The following HMCN1 variants were observed in gnomAD, a reference collection of about 807,000 sequenced individuals.
HMCN1 encodes the protein hemicentin 1.
Under a neutral mutation model 625.9 loss-of-function variants are expected in HMCN1, and 321 were observed. The ratio of observed to expected loss-of-function variants is 0.51; its 90% CI spans 0.47 to 0.56. HMCN1 has a LOEUF of 0.56. Ranked by LOEUF, HMCN1 falls within the 20% of genes least tolerant of loss-of-function variation. The probability of loss-of-function intolerance (pLI) is 0.00; values close to 1 mark genes in which losing one functional copy is unlikely to be tolerated. For missense variants in HMCN1, 6,588 were observed against 6,887.3 expected (o/e 0.96, Z 1.54); for synonymous variants, 2,425 against 2,417.6 (o/e 1.00, Z -0.09).
At chr1:185,908,191 A>G (rs1376539307) in intron 4 of HMCN1, among the ~76,000 whole-genome samples, 1 of 151,924 alleles carries the variant, frequency 6.6e-6, no homozygotes, top group East Asian at 1.9e-4. Flanking sequence ...TGTGATAATA[A>G]GTCTTAGATG....
At chr1:185,753,063 A>G (rs1375377599) in intron 1 of HMCN1, among the ~76,000 whole-genome samples, 1 of 152,154 alleles carries the variant, frequency 6.6e-6, no homozygotes, top group Non-Finnish European at 1.5e-5. Context: ...GTAGATAAAG[A>G]AAAAATCATA....
At chr1:186,163,784 G>A (rs1180730309) in intron 97 of HMCN1, among the ~76,000 whole-genome samples, 3 of 152,048 alleles carry the variant, frequency 2.0e-5, no homozygotes, top group Non-Finnish European at 4.4e-5. Flanking sequence ...TCTCATACAT[G>A]GCAATATTGT....
intron 4 of HMCN1, among the ~76,000 whole-genome samples, chr1:185,892,598 A>G (rs571593973): frequency 2.2e-3 from 340 of 152,044 alleles, no homozygotes; most frequent in Non-Finnish European, 3.4e-3. Flanking sequence ...CCCCTGCTGG[A>G]GGGTGCCTCC....
chr1:186,161,007 T>C (rs1229141505), intron 97 of HMCN1, among the ~76,000 whole-genome samples: 1 of 152,206 alleles, frequency 6.6e-6, no homozygotes, highest in East Asian at 1.9e-4. Flanking sequence ...ATCTGTCTAA[T>C]GTTTACAGGG....
At chr1:186,032,302 GA>G (rs943010192) in intron 36 of HMCN1, among the ~76,000 whole-genome samples, 18 of 150,920 alleles carry the variant, frequency 1.2e-4, no homozygotes, top group South Asian at 4.2e-4. Flanking sequence ...CCTAATATAT[GA>G]AAAAAAAACT....
intron 11 of HMCN1, among the ~76,000 whole-genome samples, chr1:185,952,381 G>T (rs1415227839): frequency 1.3e-5 from 2 of 151,058 alleles, no homozygotes; most frequent in Non-Finnish European, 2.9e-5. Context: ...GAGGTCAGAT[G>T]GGTCTGTAGA....
At chr1:185,951,156 A>G (rs1235070282) in intron 11 of HMCN1, among the ~76,000 whole-genome samples, 1 of 151,256 alleles carries the variant, frequency 6.6e-6, no homozygotes, top group African/African-American at 2.5e-5. Flanking sequence ...GTGGGGGGAT[A>G]CAAGAGGAGG....
At chr1:185,892,652 G>C (rs1406527958) in intron 4 of HMCN1, among the ~76,000 whole-genome samples, 2 of 152,076 alleles carry the variant, frequency 1.3e-5, no homozygotes, top group Non-Finnish European at 2.9e-5. Context: ...CCCACTTGAG[G>C]AGGCAGTCTG....
chr1:185,784,069 C>T (rs535553886), intron 1 of HMCN1, among the ~76,000 whole-genome samples: 48 of 152,326 alleles, frequency 3.2e-4, no homozygotes, highest in African/African-American at 7.9e-4. Flanking sequence ...CCCCTCCCCC[C>T]GCCTCGCTGC....
intron 1 of HMCN1, among the ~76,000 whole-genome samples, chr1:185,805,894 C>T (rs139074562): frequency 2.0e-4 from 30 of 152,178 alleles, no homozygotes; most frequent in Admixed American, 2.0e-3. Flanking sequence ...CCATTTGGTG[C>T]CACATTCATG....
intron 30 of HMCN1, among the ~76,000 whole-genome samples, chr1:186,013,250 A>G (rs4650690): frequency 0.39 from 59,683 of 152,070 alleles, 12,706 homozygotes; most frequent in Non-Finnish European, 0.48. Context: ...TTTGAGTTTC[A>G]TATAATTTTT....
At chr1:185,989,246 T>C (rs908936034) in intron 20 of HMCN1, among the ~76,000 whole-genome samples, 14 of 152,132 alleles carry the variant, frequency 9.2e-5, no homozygotes, top group Admixed American at 5.9e-4. Flanking sequence ...CTGCCCGCCT[T>C]GGCCTCCCAA....
At position 185,846,039 on chromosome 1, in the gene HMCN1, G is replaced by A; in HGVS notation, c.282G>A (p.Val94=). The A allele has an allele frequency of 6.2e-7, 1 of 1,610,044 alleles. No individual in the cohort carries two copies. The highest frequency in any genetic ancestry group is 8.5e-7 in the Non-Finnish European group (1 of 1,176,622). Residue 94 remains valine (V), a synonymous_variant, in exon 2 of 107, where the codon GTG becomes GTA. Transcript: ENST00000271588. ...VPFHDPEIGP[V]TITTDPKKFQ... Reference sequence around the variant, plus strand: ...TTATCTTCACAGAAATTGGCCCAGTGACAATTACCACAGATCCCAAGAAAT... The same window carrying A: ...TTATCTTCACAGAAATTGGCCCAGTAACAATTACCACAGATCCCAAGAAAT...
intron 97 of HMCN1, among the ~76,000 whole-genome samples, chr1:186,163,139 T>G (rs943615739): frequency 1.3e-5 from 2 of 152,190 alleles, no homozygotes; most frequent in Non-Finnish European, 2.9e-5. Flanking sequence ...GCCTCACTGC[T>G]GCCTTGCAGT....
Position 186,027,953 on chromosome 1 carries a change from C to T in HMCN1, c.5749+4800C>T, listed in dbSNP as rs936461499. On this transcript the variant is annotated intron_variant, in intron 36 of 106. Coordinates refer to ENST00000271588, the MANE Select transcript of HMCN1 (RefSeq NM_031935.3). ...GCTCAAATGTGGCTTAAAGGAGACT[C>T]GGGAATGTTGCAGGGAACCTTTTTC... Among the ~76,000 whole-genome samples, 3 of 152,110 alleles carry T rather than the reference C, an allele frequency of 2.0e-5. 1 individual carries two copies. The highest frequency in any genetic ancestry group is 4.1e-4 in the South Asian group (2 of 4,828).
Position 186,151,226 on chromosome 1 carries a change from G to T in HMCN1, c.14635G>T (p.Val4879Phe). The T allele has an allele frequency of 6.2e-7, 1 of 1,613,682 alleles. No individual in the cohort carries two copies. The highest frequency in any genetic ancestry group is 8.5e-7 in the Non-Finnish European group (1 of 1,179,742). ...PGGPQRARGS[V>F]IGNINDVEFG... ...TGGGCCCCAGCGAGCCAGAGGAAGT[G>T]TTATTGGAAATATTAATGATGTTGA... The change falls in exon 94 of 107, where the codon GTT becomes TTT. Residue 4879 changes from valine to phenylalanine, a missense_variant. By Grantham distance (50) the Val-to-Phe change is conservative. This residue lies in a region of HMCN1 where 1,954 missense variants were observed against 2,013.1 expected (regional missense o/e 0.97). Transcript: ENST00000271588.
Position 185,997,434 on chromosome 1 carries a change from C to T in HMCN1, c.3784C>T (p.Pro1262Ser), listed in dbSNP as rs766578835. Residue 1262 changes from proline to serine, a missense_variant, in exon 25 of 107, where the codon CCC (proline) becomes TCC (serine). Physicochemically the swap from Pro to Ser is moderately conservative, Grantham distance 74. Around this residue, in one of 3 missense-constraint regions of HMCN1, gnomAD observed 4,628 missense variants for 4,853.1 expected, o/e 0.95. Coordinates refer to ENST00000271588, the MANE Select transcript of HMCN1 (RefSeq NM_031935.3). The part of the protein sequence containing the change: ...TEITLHVQEP[P>S]TVEDLEPPYN... ...TGCATTTATTTTCCTAATAGAACCA[C>T]CCACAGTGGAAGATCTAGAACCTCC... is the stretch of plus-strand genomic sequence containing the variant. 1.2e-6 allele frequency: 2 copies of T among 1,605,878 alleles called. No homozygotes were observed. Among genetic ancestry groups the T allele is most frequent in the South Asian group, 2.2e-5 (2 of 90,940 alleles).
rs1027002846 is a variant in HMCN1 at position 186,041,220 on chromosome 1, G to T, written c.6304+84G>T. 3.3e-5 allele frequency: 39 copies of T among 1,188,574 alleles called. No homozygotes were observed. The Admixed American group carries it at 6.6e-4, about 20-fold the overall frequency. 73.6% of individuals were successfully genotyped at this position (1,188,574 alleles called of 1,614,324 possible). A position where few individuals can be genotyped will look rare whatever the true frequency, so the allele number is the denominator to read the frequency against. On this transcript the variant is annotated intron_variant, in intron 40 of 106. Transcript: ENST00000271588. The stretch of plus-strand genomic sequence containing the variant: ...ATTGAGAAAGTTAAGGGAAGTTGTT[G>T]ACAATAAAGAACAATGAACCTTAGA...
At position 186,088,548 on chromosome 1, in the gene HMCN1, G is replaced by C. The variant is rs1571335469; in HGVS notation, c.9578-58G>C. On this transcript the variant is annotated intron_variant, in intron 62 of 106. Coordinates refer to ENST00000271588, the MANE Select transcript of HMCN1 (RefSeq NM_031935.3). ...GTAAGACATTTTATCATGAATTTTA[G>C]AGATGTTAAAGTTTAAAGGTTTTTT... 5.1e-6 allele frequency: 8 copies of C among 1,555,544 alleles called. No homozygotes were observed. The East Asian group carries it at 1.8e-4, about 35-fold the overall frequency.
Sources: allele counts gnomAD v4.1 joint callset (sites outside exome capture counted in the v4.1 genomes callset), GRCh38; gene constraint gnomAD v4.1.1; regional missense constraint gnomAD v4.1.1; transcripts MANE v1.5; gene names NCBI Gene and HGNC (gene_info 2026-07-23, HGNC 2026-07-21).